FRMPD4: variants seen among roughly 807,000 people sequenced by gnomAD.
The protein encoded by FRMPD4 is FERM and PDZ domain-containing protein 4.
FRMPD4 carries 22 observed loss-of-function variants against 94.1 expected under a neutral mutation model. The observed-to-expected ratio is 0.23, with a 90% CI of 0.17 to 0.33. The LOEUF is 0.33. FRMPD4 is among the 10% of genes least tolerant of loss of function. The probability of loss-of-function intolerance (pLI) is 1.00; values close to 1 mark genes in which losing one functional copy is unlikely to be tolerated. For synonymous variants in FRMPD4, 631 were observed against 548.6 expected, an observed-to-expected ratio of 1.15 and a Z score of -2.10; for missense variants, 1,111 against 1,339.9, an observed-to-expected ratio of 0.83 and a Z score of 2.67.
intron 1 of FRMPD4, among the ~76,000 whole-genome samples, chrX:12,322,580 G>T (rs1417762695): frequency 9.1e-6 from 1 of 110,307 alleles, no homozygotes; most frequent in African/African-American, 3.3e-5. Context: ...CAGGAGCCAG[G>T]TCATTCAGGG....
intron 4 of FRMPD4, among the ~76,000 whole-genome samples, chrX:12,654,331 T>C (rs1276328943): frequency 3.6e-5 from 4 of 111,579 alleles, no homozygotes; most frequent in Admixed American, 2.9e-4. Context: ...CATTCAGATA[T>C]ATCACACTTA....
At chrX:12,337,468 G>C in intron 1 of FRMPD4, among the ~76,000 whole-genome samples, 1 of 112,108 alleles carries the variant, frequency 8.9e-6, no homozygotes, top group East Asian at 2.8e-4. Flanking sequence ...GTTTATGAAA[G>C]TTATTTGGAA....
In FRMPD4 at chrX:12,018,844, G is replaced by A. The variant is rs146698597; in HGVS notation, c.95+140826G>A. On this transcript the variant is annotated intron_variant, in intron 3 of 18. Coordinates refer to the FRMPD4 transcript ENST00000640291. ...AATGTCACAATCACAGGTACCACAG[G>A]TTAGGACTTCAACATATCTTTTTGG... 5.4e-3 allele frequency among the ~76,000 whole-genome samples: 599 copies of A among 111,923 alleles called. 3 individuals carry two copies. Among genetic ancestry groups the A allele is most frequent in the African/African-American group, 0.019 (579 of 30,796 alleles).
intron 3 of FRMPD4, among the ~76,000 whole-genome samples, chrX:11,881,829 T>C (rs1443730110): frequency 1.8e-5 from 2 of 112,023 alleles, no homozygotes; most frequent in African/African-American, 6.5e-5. Flanking sequence ...AAGGAGTTCA[T>C]AGGTTCAGTG....
chrX:11,823,288 GATAAT>G (rs1310333742), intron 1 of FRMPD4, among the ~76,000 whole-genome samples: 1 of 108,845 alleles, frequency 9.2e-6, no homozygotes, highest in Non-Finnish European at 1.9e-5. Context: ...CTAAGTTTAT[GATAAT>G]ATAATAATAA....
intron 3 of FRMPD4, among the ~76,000 whole-genome samples, chrX:12,123,230 C>T (rs2055472150): frequency 9.1e-6 from 1 of 109,474 alleles, no homozygotes; most frequent in African/African-American, 3.3e-5. Context: ...CCCTGCCTTC[C>T]CGGTTCAAGT....
chrX:12,182,638 T>C (rs1360701197), intron 1 of FRMPD4, among the ~76,000 whole-genome samples: 1 of 110,055 alleles, frequency 9.1e-6, no homozygotes, highest in Non-Finnish European at 1.9e-5. Flanking sequence ...ACCAGCACAT[T>C]GTTTAATAAG....
At chrX:12,705,188 T>A (rs1440826360) in intron 11 of FRMPD4, among the ~76,000 whole-genome samples, 1 of 112,289 alleles carries the variant, frequency 8.9e-6, no homozygotes, top group Non-Finnish European at 1.9e-5. Flanking sequence ...TGTTAAAATC[T>A]TTTTATGCTT....
Position 12,718,570 on chromosome X carries a change from T to G in FRMPD4, c.3744T>G (p.Ile1248Met), listed in dbSNP as rs1176282321. The change falls in exon 16 of 17, where the codon ATT (isoleucine) becomes ATG (methionine). Residue 1248 changes from isoleucine (I) to methionine (M), a missense_variant. Ile to Met is a conservative substitution (Grantham distance 10, BLOSUM62 1). This residue lies in a region of FRMPD4 where 551 missense variants were observed against 591.6 expected (regional missense o/e 0.93). Coordinates refer to ENST00000675598, the MANE Select transcript of FRMPD4 (RefSeq NM_001368397.1). ...GCCCCTCCCTGGGGAAGCACTTGAT[T>G]CCTGACGCTTCTGGGAAAGGCGTGA... ...PLCPSLGKHLIPDASGKGVNY... is the reference protein window; with the variant it reads ...PLCPSLGKHLMPDASGKGVNY... 8.3e-7 allele frequency: 1 copy of G among 1,208,819 alleles called. No homozygotes were observed. Among genetic ancestry groups the G allele is most frequent in the East Asian group, 3.0e-5 (1 of 33,831 alleles).
intron 3 of FRMPD4, among the ~76,000 whole-genome samples, chrX:11,925,396 A>G (rs2054081301): frequency 8.9e-6 from 1 of 111,861 alleles, no homozygotes; most frequent in Non-Finnish European, 1.9e-5. Flanking sequence ...TCAGCACGGG[A>G]TCAAATGGAC....
intron 1 of FRMPD4, among the ~76,000 whole-genome samples, chrX:12,416,615 A>T (rs1436458553): frequency 8.9e-6 from 1 of 112,389 alleles, no homozygotes; most frequent in Non-Finnish European, 1.9e-5. Flanking sequence ...GTGATTTTCA[A>T]AAACAGGAGT....
At chrX:11,828,062 A>G (rs1227986238) in intron 1 of FRMPD4, among the ~76,000 whole-genome samples, 1 of 112,009 alleles carries the variant, frequency 8.9e-6, no homozygotes, top group Non-Finnish European at 1.9e-5. Context: ...AGAGCACAGT[A>G]AAGAAGACAT....
chrX:12,072,914 A>AT (rs1247513094), intron 3 of FRMPD4, among the ~76,000 whole-genome samples: 1 of 107,965 alleles, frequency 9.3e-6, no homozygotes, highest in Non-Finnish European at 1.9e-5. Flanking sequence ...CCTACCTTCT[A>AT]TTATTTATAT....
intron 1 of FRMPD4, among the ~76,000 whole-genome samples, chrX:11,859,725 T>G (rs1266695444): frequency 8.9e-6 from 1 of 112,033 alleles, no homozygotes; most frequent in Non-Finnish European, 1.9e-5. Flanking sequence ...CCTGCTTCTG[T>G]TTTTTGTTTG....
At chrX:11,942,876 A>G in intron 3 of FRMPD4, among the ~76,000 whole-genome samples, 1 of 111,191 alleles carries the variant, frequency 9.0e-6, no homozygotes, top group South Asian at 3.8e-4. Context: ...TCTCCTCCTA[A>G]CCCCTGGCAA....
chrX:12,649,015 C>T (rs771213627), intron 4 of FRMPD4, among the ~76,000 whole-genome samples: 2 of 112,324 alleles, frequency 1.8e-5, no homozygotes, highest in Non-Finnish European at 3.8e-5. Context: ...ATTCCCTTAT[C>T]ATCTCTCACC....
In FRMPD4 at chrX:11,994,682, G is replaced by T. The variant is rs141007460; in HGVS notation, c.95+116664G>T. 1.9e-3 allele frequency among the ~76,000 whole-genome samples: 210 copies of T among 111,774 alleles called. 1 individual carries two copies. Among genetic ancestry groups the T allele is most frequent in the African/African-American group, 5.7e-3 (177 of 30,786 alleles). ...ACACGATGGCAAACTGTATGTTCAG[G>T]TGTGTATGTGTATGCATAAGAGTTG... On this transcript the variant is annotated intron_variant, in intron 3 of 18. Transcript: ENST00000640291.
chrX:12,352,108 T>C (rs191504297), intron 1 of FRMPD4, among the ~76,000 whole-genome samples: 2 of 112,338 alleles, frequency 1.8e-5, no homozygotes, highest in African/African-American at 6.5e-5. Flanking sequence ...CGATTCATTC[T>C]CTTACAGCAG....
At chrX:12,586,906 A>G (rs1263762845) in intron 2 of FRMPD4, among the ~76,000 whole-genome samples, 1 of 111,995 alleles carries the variant, frequency 8.9e-6, no homozygotes, top group East Asian at 2.8e-4. Context: ...CAATGCTCCA[A>G]AGAGGCACTG....
Sources: allele counts gnomAD v4.1 joint callset (sites outside exome capture counted in the v4.1 genomes callset), GRCh38; gene constraint gnomAD v4.1.1; regional missense constraint gnomAD v4.1.1; transcripts MANE v1.5; gene names NCBI Gene and HGNC (gene_info 2026-07-23, HGNC 2026-07-21).